RABGAP1L: variants seen among roughly 807,000 people sequenced by gnomAD.
The protein encoded by RABGAP1L is rab GTPase-activating protein 1-like.
RABGAP1L carries 63 observed loss-of-function variants against 137.7 expected under a neutral mutation model. The ratio of observed to expected loss-of-function variants is 0.46; its 90% CI spans 0.37 to 0.56. The LOEUF is 0.56. Ranked by LOEUF, RABGAP1L falls within the 20% of genes least tolerant of loss-of-function variation. The pLI, the probability that RABGAP1L is intolerant of heterozygous loss-of-function variation, is 0.00. For missense variants in RABGAP1L, 1,095 were observed against 1,244.0 expected, an observed-to-expected ratio of 0.88 and a Z score of 1.80; for synonymous variants, 431 against 433.7, an observed-to-expected ratio of 0.99 and a Z score of 0.08.
In RABGAP1L at chr1:174,641,876, C is replaced by T. The variant is rs891607826; in HGVS notation, c.1824+4388C>T. Among the ~76,000 whole-genome samples the T allele has an allele frequency of 6.6e-5, 10 of 152,186 alleles. No individual in the cohort carries two copies. In the East Asian group the frequency reaches 9.7e-4, roughly 15 times the overall value. On this transcript the variant is annotated intron_variant, in intron 14 of 25. Transcript: ENST00000681986. Reference sequence around the variant, plus strand: ...TGCAGAATTTAGCAGTTAAATCCTGCGTCAGTTATTAGCTCTGGCTCTCAA... The same window carrying T: ...TGCAGAATTTAGCAGTTAAATCCTGTGTCAGTTATTAGCTCTGGCTCTCAA...
intron 19 of RABGAP1L, among the ~76,000 whole-genome samples, chr1:174,947,204 AT>A (rs1258037938): frequency 3.7e-5 from 5 of 135,200 alleles, no homozygotes; most frequent in African/African-American, 9.6e-5. Flanking sequence ...AGCGTGTTTA[AT>A]TTTTTTCTTT....
chr1:174,384,893 C>T (rs1264739062), intron 12 of RABGAP1L, among the ~76,000 whole-genome samples: 2 of 152,056 alleles, frequency 1.3e-5, no homozygotes, highest in Non-Finnish European at 2.9e-5. Flanking sequence ...AATTAATTAT[C>T]TTGTCTTATA....
rs1277931703 is a variant in RABGAP1L, at chr1:174,638,802, C to T, written c.1824+1314C>T. On this transcript the variant is annotated intron_variant, in intron 14 of 25. Transcript: ENST00000681986. ...ATCGCAAGAACAAAAAAGCAAACAC[C>T]GCATATTCTCCCTCATAGGTGGGAA... Among the ~76,000 whole-genome samples, 14 of 146,700 alleles carry T rather than the reference C, an allele frequency of 9.5e-5. No homozygotes were observed. In the South Asian group the frequency reaches 2.3e-3, roughly 24 times the overall value.
At chr1:174,924,717 G>T (rs918307708) in intron 19 of RABGAP1L, among the ~76,000 whole-genome samples, 4 of 152,086 alleles carry the variant, frequency 2.6e-5, no homozygotes, top group Non-Finnish European at 5.9e-5. Flanking sequence ...CACGATGGTG[G>T]CAACTTATGA....
intron 14 of RABGAP1L, 117 bp from the exon 15 acceptor site, chr1:174,683,404 AG>A (rs895427202): frequency 2.9e-6 from 2 of 690,310 alleles, no homozygotes; most frequent in African/African-American, 3.6e-5. Flanking sequence ...TTGAAAGACC[AG>A]TGGAATTGTG....
chr1:174,177,809 C>T (rs1198011089), intron 1 of RABGAP1L, among the ~76,000 whole-genome samples: 1 of 152,144 alleles, frequency 6.6e-6, no homozygotes, highest in African/African-American at 2.4e-5. Context: ...GGTGTTATTT[C>T]CGAGGTCTCT....
intron 11 of RABGAP1L, among the ~76,000 whole-genome samples, chr1:174,312,540 A>C (rs1052311232): frequency 5.9e-5 from 9 of 152,262 alleles, no homozygotes; most frequent in South Asian, 2.1e-4. Context: ...ATTTTCTCCC[A>C]TCCTGTGAGT....
At chr1:174,827,340 C>T (rs1304535833) in intron 19 of RABGAP1L, among the ~76,000 whole-genome samples, 1 of 152,134 alleles carries the variant, frequency 6.6e-6, no homozygotes, top group South Asian at 2.1e-4. Flanking sequence ...GGACACCAGT[C>T]ATATTGGATT....
At chr1:174,638,092 T>C (rs936908906) in intron 14 of RABGAP1L, among the ~76,000 whole-genome samples, 3 of 152,228 alleles carry the variant, frequency 2.0e-5, no homozygotes, top group Non-Finnish European at 4.4e-5. Flanking sequence ...TTATTAATTT[T>C]ATCAGAAATG....
intron 14 of RABGAP1L, among the ~76,000 whole-genome samples, chr1:174,638,035 T>C (rs1426661843): frequency 6.6e-6 from 1 of 152,230 alleles, no homozygotes; most frequent in Admixed American, 6.5e-5. Context: ...TGTGCTCTGC[T>C]TGGATACAGA....
In RABGAP1L at chr1:174,241,540, A is replaced by AT. The variant is rs1324142799; in HGVS notation, c.602dup (p.Cys202LeufsTer6). 1 of 1,612,914 alleles carries AT rather than the reference A, an allele frequency of 6.2e-7. No homozygotes were observed. The highest frequency in any genetic ancestry group is 8.5e-7 in the Non-Finnish European group (1 of 1,179,100). On this transcript the variant is annotated frameshift_variant, in exon 5 of 26. Coordinates refer to ENST00000681986, the MANE Select transcript of RABGAP1L (RefSeq NM_001366446.1). LOFTEE classifies it high-confidence loss of function. ...CATCTTTTCCAATCTATAAGGTGTT[A>AT]TTCTGTGCACGTGGACATGACGGAA...
chr1:174,509,521 C>A (rs1285047878), intron 13 of RABGAP1L, among the ~76,000 whole-genome samples: 1 of 151,876 alleles, frequency 6.6e-6, no homozygotes, highest in Non-Finnish European at 1.5e-5. Flanking sequence ...CTTGCTTGCC[C>A]TTTTTCCCCC....
Position 174,642,654 on chromosome 1 carries a change from C to T in RABGAP1L, c.1824+5166C>T, listed in dbSNP as rs1020383816. ...TTATAGTCCTCTCTCCTCTCCTCTCCCCACCCTCTCCCCTCCTCTCCTCTC... is the reference window on the plus strand; with the variant it reads ...TTATAGTCCTCTCTCCTCTCCTCTCTCCACCCTCTCCCCTCCTCTCCTCTC... On this transcript the variant is annotated intron_variant, in intron 14 of 25. Transcript: ENST00000681986. 3.3e-5 allele frequency among the ~76,000 whole-genome samples: 5 copies of T among 150,662 alleles called. No homozygotes were observed. The East Asian group carries it at 5.9e-4, about 18-fold the overall frequency.
intron 19 of RABGAP1L, among the ~76,000 whole-genome samples, chr1:174,924,306 G>A (rs970370998): frequency 6.3e-5 from 9 of 142,040 alleles, no homozygotes; most frequent in Non-Finnish European, 3.0e-5. Flanking sequence ...AGAATCTCTT[G>A]AACCCGGGAG....
chr1:174,857,887 A>C (rs1649582842), intron 19 of RABGAP1L, among the ~76,000 whole-genome samples: 1 of 152,220 alleles, frequency 6.6e-6, no homozygotes, highest in Non-Finnish European at 1.5e-5. Context: ...AATTTTCAGT[A>C]GGGTCAGAAA....
intron 23 of RABGAP1L, among the ~76,000 whole-genome samples, chr1:174,981,548 A>ATTTTTT (rs1671109153): frequency 4.5e-5 from 3 of 67,358 alleles, no homozygotes; most frequent in Admixed American, 1.5e-4. Context: ...CTGTTTTTCC[A>ATTTTTT]TCTTTTTTTT....
intron 10 of RABGAP1L, among the ~76,000 whole-genome samples, chr1:174,284,378 A>G (rs892178896): frequency 2.6e-5 from 4 of 152,192 alleles, no homozygotes; most frequent in African/African-American, 9.7e-5. Context: ...TACTTAGCAT[A>G]ATGCTCTCCA....
At chr1:174,798,160 G>T (rs748091179) in intron 18 of RABGAP1L, among the ~76,000 whole-genome samples, 1 of 151,186 alleles carries the variant, frequency 6.6e-6, no homozygotes, top group Non-Finnish European at 1.5e-5. Flanking sequence ...ACTTTGGGAG[G>T]CCGAGGCAGG....
chr1:174,434,235 A>G (rs1159739944), intron 13 of RABGAP1L, among the ~76,000 whole-genome samples: 1 of 151,938 alleles, frequency 6.6e-6, no homozygotes, highest in South Asian at 2.1e-4. Flanking sequence ...AAATCATGCA[A>G]TGTGTATTCT....
Sources: gnomAD v4.1 joint callset for allele counts (sites outside exome capture counted in the v4.1 genomes callset) on GRCh38, gnomAD v4.1.1 for gene constraint, MANE v1.5 for transcripts, NCBI Gene and HGNC (gene_info 2026-07-23, HGNC 2026-07-21) for gene names.